RIT2: variants seen among roughly 807,000 people sequenced by gnomAD.
The protein encoded by RIT2 is GTP-binding protein Rit2.
In RIT2, 24 loss-of-function variants were observed where a neutral mutation model predicts 23.7. That is an observed-to-expected ratio of 1.01 (90% CI 0.73 to 1.43). The LOEUF is 1.43. RIT2 is among the 40% of genes most tolerant of loss of function. The pLI is 0.00. For synonymous variants in RIT2, 107 were observed against 91.1 expected (o/e 1.17, Z -0.99); for missense variants, 236 against 266.9 (o/e 0.88, Z 0.81).
chr18:42,904,013 CG>C (rs1908547188), intron 4 of RIT2, among the ~76,000 whole-genome samples: 1 of 151,790 alleles, frequency 6.6e-6, no homozygotes, highest in Non-Finnish European at 1.5e-5. Flanking sequence ...TACAAAATAG[CG>C]GTATAAATTG....
chr18:42,986,007 C>T (rs1353466480), intron 2 of RIT2, among the ~76,000 whole-genome samples: 4 of 150,182 alleles, frequency 2.7e-5, no homozygotes, highest in East Asian at 1.9e-4. Flanking sequence ...AACAACAAAA[C>T]GTTCATATCC....
At chr18:42,763,535 C>T (rs993053173) in intron 4 of RIT2, among the ~76,000 whole-genome samples, 16 of 151,898 alleles carry the variant, frequency 1.1e-4, no homozygotes, top group Non-Finnish European at 2.2e-4. Flanking sequence ...AAGTTGCTCC[C>T]ATGAGTCAGT....
intron 4 of RIT2, among the ~76,000 whole-genome samples, chr18:42,804,755 G>A (rs919840284): frequency 2.6e-5 from 4 of 151,992 alleles, no homozygotes; most frequent in Non-Finnish European, 5.9e-5. Flanking sequence ...TCACTTGAGG[G>A]TCTTTACCAT....
At chr18:43,064,545 C>T (rs1204461683) in intron 1 of RIT2, among the ~76,000 whole-genome samples, 1 of 152,072 alleles carries the variant, frequency 6.6e-6, no homozygotes, top group Non-Finnish European at 1.5e-5. Flanking sequence ...AGATGGCAGA[C>T]AGGTCTCCAT....
chr18:42,847,466 A>T (rs1168784410), intron 4 of RIT2, among the ~76,000 whole-genome samples: 1 of 152,090 alleles, frequency 6.6e-6, no homozygotes, highest in Non-Finnish European at 1.5e-5. Context: ...AAAAAAAAAT[A>T]ATAAAAGTAG....
chr18:42,971,848 C>T (rs1910368541), intron 3 of RIT2, among the ~76,000 whole-genome samples: 1 of 152,036 alleles, frequency 6.6e-6, no homozygotes, highest in Non-Finnish European at 1.5e-5. Context: ...CAGATTGTCT[C>T]ATCTGCCTGC....
At chr18:42,796,475 A>AGCATTAT (rs61040179) in intron 4 of RIT2, among the ~76,000 whole-genome samples, 5 of 152,054 alleles carry the variant, frequency 3.3e-5, no homozygotes. Context: ...TTCCGGACAC[A>AGCATTAT]GCTGGGTGCT....
chr18:42,880,380 C>T (rs1462575732), intron 4 of RIT2, among the ~76,000 whole-genome samples: 1 of 152,000 alleles, frequency 6.6e-6, no homozygotes, highest in Non-Finnish European at 1.5e-5. Flanking sequence ...TAAAAAAATC[C>T]CCTTACTATT....
intron 1 of RIT2, among the ~76,000 whole-genome samples, chr18:43,111,885 A>G (rs958161944): frequency 6.6e-6 from 1 of 152,090 alleles, no homozygotes; most frequent in African/African-American, 2.4e-5. Flanking sequence ...TTCACCTCTC[A>G]ATGCCTCAGT....
At chr18:42,822,696 CAAT>C (rs1434357410) in intron 4 of RIT2, among the ~76,000 whole-genome samples, 1 of 152,024 alleles carries the variant, frequency 6.6e-6, no homozygotes, top group Non-Finnish European at 1.5e-5. Flanking sequence ...AAAGGTTTAT[CAAT>C]AATATCTTTA....
chr18:43,036,525 G>A (rs1478493381), intron 1 of RIT2, among the ~76,000 whole-genome samples: 1 of 152,048 alleles, frequency 6.6e-6, no homozygotes, highest in Non-Finnish European at 1.5e-5. Flanking sequence ...GGGTGACACA[G>A]CCAGACTCCA....
chr18:42,855,169 G>A lies in RIT2; in HGVS notation c.426+68403C>T, dbSNP rs116000755. On this transcript the variant is annotated intron_variant, in intron 4 of 4. Transcript: ENST00000326695. ...CAGCTAAGACATATCTCTATCAAAT[G>A]TTATTTTATGAGATTTCAACACAGT... 4.3e-3 allele frequency among the ~76,000 whole-genome samples: 658 copies of A among 152,182 alleles called. 3 individuals are homozygous for A. The highest frequency in any genetic ancestry group is 0.015 in the African/African-American group (634 of 41,524).
intron 1 of RIT2, among the ~76,000 whole-genome samples, chr18:43,101,515 A>C (rs1913683912): frequency 6.6e-6 from 1 of 152,196 alleles, no homozygotes; most frequent in African/African-American, 2.4e-5. Context: ...AAATGAGAAG[A>C]AGCCCTGTGT....
intron 2 of RIT2, among the ~76,000 whole-genome samples, chr18:42,979,086 T>G (rs1910537105): frequency 6.6e-6 from 1 of 152,140 alleles, no homozygotes; most frequent in Non-Finnish European, 1.5e-5. Flanking sequence ...GAAATGTTTT[T>G]CCCAAGTAAA....
chr18:42,887,797 CATTCATACAATGGAATAGT>C (rs145220692), intron 4 of RIT2, among the ~76,000 whole-genome samples: 1,827 of 152,188 alleles, frequency 0.012, 29 homozygotes, highest in East Asian at 0.071. Flanking sequence ...AACTGTGGTA[CATTCATACAATGGAATAGT>C]ATTCAGCATC....
intron 3 of RIT2, among the ~76,000 whole-genome samples, chr18:42,926,952 C>T (rs918231179): frequency 1.3e-5 from 2 of 151,854 alleles, no homozygotes; most frequent in Non-Finnish European, 2.9e-5. Flanking sequence ...CCTCTCTGTG[C>T]CTCAATTTCC....
At chr18:42,828,717 G>T (rs1906375101) in intron 4 of RIT2, among the ~76,000 whole-genome samples, 1 of 152,140 alleles carries the variant, frequency 6.6e-6, no homozygotes, top group South Asian at 2.1e-4. Flanking sequence ...TGTCACCATG[G>T]CCTGGAGCGT....
chr18:42,940,018 C>A (rs769036023), intron 3 of RIT2, among the ~76,000 whole-genome samples: 1 of 151,878 alleles, frequency 6.6e-6, no homozygotes, highest in Non-Finnish European at 1.5e-5. Flanking sequence ...TAGATTAACA[C>A]TCTGAAAAGA....
At chr18:43,068,052 C>T (rs1167174246) in intron 1 of RIT2, among the ~76,000 whole-genome samples, 1 of 152,156 alleles carries the variant, frequency 6.6e-6, no homozygotes, top group East Asian at 1.9e-4. Flanking sequence ...ACAATACAAA[C>T]TTGAAATTTG....
Sources: allele counts gnomAD v4.1 joint callset (sites outside exome capture counted in the v4.1 genomes callset), GRCh38; gene constraint gnomAD v4.1.1; transcripts MANE v1.5; gene names NCBI Gene and HGNC (gene_info 2026-07-23, HGNC 2026-07-21).